The following CIMIP7 variants were observed in gnomAD, a reference collection of about 807,000 sequenced individuals.
CIMIP7 encodes the protein ciliary microtubule inner protein 7.
the CIMIP7 span, chr3:49,190,061 C>T: frequency 1.2e-6 from 2 of 1,613,558 alleles, no homozygotes; most frequent in Non-Finnish European, 1.7e-6. Flanking sequence ...GAGGCTGGGG[C>T]TTGGCTGCAA....
At chr3:49,184,562 C>T in the CIMIP7 span, among the ~76,000 whole-genome samples, 24 of 152,076 alleles carry the variant, frequency 1.6e-4, no homozygotes, top group Non-Finnish European at 2.8e-4. Context: ...CTTGAGCAGT[C>T]CACTGCCTTG....
the CIMIP7 span, among the ~76,000 whole-genome samples, chr3:49,187,972 C>T: frequency 6.6e-6 from 1 of 152,224 alleles, no homozygotes; most frequent in Non-Finnish European, 1.5e-5. Flanking sequence ...CCTTACATGT[C>T]TGTTTCTGAG....
chr3:49,187,902 T>C, the CIMIP7 span, among the ~76,000 whole-genome samples: 1 of 152,222 alleles, frequency 6.6e-6, no homozygotes, highest in South Asian at 2.1e-4. Flanking sequence ...GGGCTGCTGA[T>C]AATGCTAGTA....
chr3:49,177,941 C>G, the CIMIP7 span: 2 of 1,613,748 alleles, frequency 1.2e-6, no homozygotes, highest in Non-Finnish European at 1.7e-6. Context: ...TCCAGGGGCC[C>G]CTGCTGGCGC....
the CIMIP7 span, chr3:49,177,707 G>A: frequency 6.2e-7 from 1 of 1,610,574 alleles, no homozygotes. Flanking sequence ...TAGTGCTGCA[G>A]CAGCTTGGGT....
the CIMIP7 span, among the ~76,000 whole-genome samples, chr3:49,179,766 A>T: frequency 6.6e-6 from 1 of 152,222 alleles, no homozygotes. Flanking sequence ...TTGTGGGCAA[A>T]GGCGGTCTGT....
At chr3:49,178,357 C>T in the CIMIP7 span, 10 of 827,334 alleles carry the variant, frequency 1.2e-5, no homozygotes, top group African/African-American at 1.4e-4. Flanking sequence ...GGGAAGACAG[C>T]CACTCCTCTG....
At chr3:49,185,604 A>G in the CIMIP7 span, among the ~76,000 whole-genome samples, 1 of 151,920 alleles carries the variant, frequency 6.6e-6, no homozygotes, top group Non-Finnish European at 1.5e-5. Flanking sequence ...GAGCAGCACC[A>G]GGGATCCCTT....
the CIMIP7 span, among the ~76,000 whole-genome samples, chr3:49,180,177 G>A: frequency 6.6e-6 from 1 of 152,202 alleles, no homozygotes; most frequent in African/African-American, 2.4e-5. Context: ...TCAGGAGGCT[G>A]AAGCAGGAGA....
the CIMIP7 span, chr3:49,189,828 A>C: frequency 1.4e-6 from 1 of 728,992 alleles, no homozygotes; most frequent in Non-Finnish European, 2.6e-6. Flanking sequence ...GCAGTGAGCA[A>C]TATGGTTCAG....
chr3:49,187,986 T>C, the CIMIP7 span, among the ~76,000 whole-genome samples: 2 of 152,228 alleles, frequency 1.3e-5, no homozygotes, highest in African/African-American at 4.8e-5. Context: ...TTCTGAGGAA[T>C]GAGTTTAACA....
the CIMIP7 span, chr3:49,178,128 T>G: frequency 1.5e-6 from 2 of 1,346,708 alleles, no homozygotes; most frequent in South Asian, 1.5e-5. Context: ...ACCCCAAGTC[T>G]GCTTGGTGAT....
chr3:49,189,294 A>T, the CIMIP7 span, among the ~76,000 whole-genome samples: 1 of 150,670 alleles, frequency 6.6e-6, no homozygotes, highest in South Asian at 2.1e-4. Flanking sequence ...TATTTTTAGT[A>T]GAGATGGGGT....
chr3:49,179,311 T>A, the CIMIP7 span, among the ~76,000 whole-genome samples: 2 of 152,222 alleles, frequency 1.3e-5, no homozygotes, highest in Admixed American at 1.3e-4. Context: ...TGCAAGAGCT[T>A]CCTGCCTGGT....
chr3:49,182,315 G>A, the CIMIP7 span, among the ~76,000 whole-genome samples: 1 of 152,170 alleles, frequency 6.6e-6, no homozygotes, highest in Non-Finnish European at 1.5e-5. Context: ...GGCACTGATT[G>A]GTGCGTTTAC....
the CIMIP7 span, among the ~76,000 whole-genome samples, chr3:49,181,518 C>T: frequency 1.3e-5 from 2 of 151,942 alleles, no homozygotes; most frequent in African/African-American, 2.4e-5. Flanking sequence ...ATTAGCCAGG[C>T]GTGGTGGTGC....
the CIMIP7 span, among the ~76,000 whole-genome samples, chr3:49,190,581 C>G: frequency 6.6e-6 from 1 of 151,460 alleles, no homozygotes; most frequent in African/African-American, 2.4e-5. Context: ...CTGCAACCTC[C>G]GCCTCCCGGG....
At chr3:49,187,622 A>C in the CIMIP7 span, among the ~76,000 whole-genome samples, 4 of 149,084 alleles carry the variant, frequency 2.7e-5, no homozygotes. Flanking sequence ...TTTAGAAAAA[A>C]AATGAAAAAA....
chr3:49,182,122 CG>C, the CIMIP7 span, among the ~76,000 whole-genome samples: 1 of 152,172 alleles, frequency 6.6e-6, no homozygotes, highest in South Asian at 2.1e-4. Context: ...ATAAAGGCAG[CG>C]TGGACCCAAA....
Sources: gnomAD v4.1 joint callset for allele counts (sites outside exome capture counted in the v4.1 genomes callset) on GRCh38, gnomAD v4.1.1 for gene constraint, MANE v1.5 for transcripts, NCBI Gene and HGNC (gene_info 2026-07-23, HGNC 2026-07-21) for gene names.